GPC6: variants seen among roughly 807,000 people sequenced by gnomAD.
GPC6 encodes the protein glypican-6.
GPC6 carries 14 observed loss-of-function variants against 55.2 expected under a neutral mutation model. The ratio of observed to expected loss-of-function variants is 0.25; its 90% CI spans 0.17 to 0.40. The LOEUF (loss-of-function observed/expected upper bound fraction) is 0.40, where lower values mean the gene tolerates loss of function less well. Among genes scored for constraint, GPC6 ranks in the 10% least tolerant of loss-of-function variants. The pLI is 1.00. For synonymous variants in GPC6, 278 were observed against 259.6 expected (o/e 1.07, Z -0.68); for missense variants, 641 against 708.5 (o/e 0.90, Z 1.08).
chr13:94,045,441 T>G lies in GPC6; in HGVS notation c.877+17547T>G, dbSNP rs1189813954. On this transcript the variant is annotated intron_variant, in intron 4 of 8. Transcript: ENST00000377047. ...TCAAATAGTTGCTAAGATGATCAAG[T>G]GTTTGCAGACATTCTTCCTCTTGTC... is the stretch of plus-strand genomic sequence containing the variant. Among the ~76,000 whole-genome samples, 3 of 151,938 alleles carry G rather than the reference T, an allele frequency of 2.0e-5. No homozygotes were observed. The East Asian group carries it at 5.8e-4, about 29-fold the overall frequency.
At chr13:93,819,768 A>C (rs144957678) in intron 2 of GPC6, among the ~76,000 whole-genome samples, 1 of 152,352 alleles carries the variant, frequency 6.6e-6, no homozygotes, top group African/African-American at 2.4e-5. Flanking sequence ...TCTGGGAATT[A>C]ATAGTTTATC....
At chr13:93,432,359 A>G (rs1877393546) in intron 1 of GPC6, among the ~76,000 whole-genome samples, 1 of 152,164 alleles carries the variant, frequency 6.6e-6, no homozygotes, top group Admixed American at 6.6e-5. Flanking sequence ...TATTGGCAGC[A>G]TGGCAAACCG....
intron 3 of GPC6, among the ~76,000 whole-genome samples, chr13:93,918,290 G>C (rs913474667): frequency 6.6e-6 from 1 of 152,070 alleles, no homozygotes; most frequent in African/African-American, 2.4e-5. Flanking sequence ...AAGGACTTAA[G>C]ATTACCCTTG....
At chr13:93,535,466 C>T (rs910590382) in intron 1 of GPC6, among the ~76,000 whole-genome samples, 7 of 152,126 alleles carry the variant, frequency 4.6e-5, no homozygotes, top group African/African-American at 1.7e-4. Context: ...TCTGCCATAA[C>T]TGCTCTGCTG....
chr13:93,537,948 C>G (rs1594245878), intron 1 of GPC6, among the ~76,000 whole-genome samples: 1 of 152,018 alleles, frequency 6.6e-6, no homozygotes, highest in East Asian at 1.9e-4. Flanking sequence ...TTTTAAAAAT[C>G]TCAAAAAATA....
chr13:93,609,796 C>T (rs555457015), intron 2 of GPC6, among the ~76,000 whole-genome samples: 1 of 152,190 alleles, frequency 6.6e-6, no homozygotes, highest in Non-Finnish European at 1.5e-5. Context: ...CTATTCACCC[C>T]TCTCCATAGA....
At chr13:94,001,835 G>A (rs763552256) in intron 3 of GPC6, among the ~76,000 whole-genome samples, 1 of 152,130 alleles carries the variant, frequency 6.6e-6, no homozygotes, top group Non-Finnish European at 1.5e-5. Context: ...TATTGCAATG[G>A]GAGAGCGACA....
intron 2 of GPC6, among the ~76,000 whole-genome samples, chr13:93,640,159 A>G (rs866908492): frequency 2.6e-5 from 4 of 152,098 alleles, no homozygotes; most frequent in Admixed American, 6.6e-5. Context: ...ATTTTTAGAC[A>G]TTATCCTGAG....
rs56720453 is a variant in GPC6, at chr13:93,920,692, G to A, written c.711+90147G>A. Among the ~76,000 whole-genome samples the A allele has an allele frequency of 6.7e-3, 1,026 of 152,066 alleles. 14 individuals are homozygous for A. The highest frequency in any genetic ancestry group is 0.024 in the African/African-American group (980 of 41,504). On this transcript the variant is annotated intron_variant, in intron 3 of 8. Transcript: ENST00000377047. ...CAGTCTCACTTACTAATCCTCCTTCGTCTTCCCCAGTGCCAGCCCCCTAGT... is the reference window on the plus strand; with the variant it reads ...CAGTCTCACTTACTAATCCTCCTTCATCTTCCCCAGTGCCAGCCCCCTAGT...
intron 3 of GPC6, among the ~76,000 whole-genome samples, chr13:93,990,742 G>A (rs999321328): frequency 1.3e-5 from 2 of 150,814 alleles, no homozygotes; most frequent in African/African-American, 4.9e-5. Context: ...GTGCATGCCT[G>A]TTCCTAGCTA....
At chr13:94,320,962 T>C (rs1025090008) in intron 6 of GPC6, among the ~76,000 whole-genome samples, 3 of 152,222 alleles carry the variant, frequency 2.0e-5, no homozygotes, top group Non-Finnish European at 1.5e-5. Flanking sequence ...AGGTTTGTTA[T>C]ATAGGTAAAT....
rs890274214 is a variant in GPC6 at position 93,273,604 on chromosome 13, A to G, written c.160+45988A>G. On this transcript the variant is annotated intron_variant, in intron 1 of 8. Transcript: ENST00000377047. Reference sequence around the variant, plus strand: ...ACCCGGGAGGCGGAGCTTGCAGTGAACCGAGATTGCGCCACTGCACTCCAG... The same window carrying G: ...ACCCGGGAGGCGGAGCTTGCAGTGAGCCGAGATTGCGCCACTGCACTCCAG... 8.6e-4 allele frequency among the ~76,000 whole-genome samples: 131 copies of G among 151,910 alleles called. 4 individuals are homozygous for G. The highest frequency in any genetic ancestry group is 3.4e-3 in the Middle Eastern group (1 of 294).
intron 6 of GPC6, among the ~76,000 whole-genome samples, chr13:94,377,393 A>G (rs1354299958): frequency 1.5e-5 from 2 of 129,906 alleles, no homozygotes; most frequent in Non-Finnish European, 3.3e-5. Flanking sequence ...AAGGACATGA[A>G]CAGACACTTC....
chr13:93,832,914 C>G (rs1047650755), intron 3 of GPC6, among the ~76,000 whole-genome samples: 2 of 152,092 alleles, frequency 1.3e-5, no homozygotes. Flanking sequence ...GGAATATAGT[C>G]CGTAGGTCAT....
intron 4 of GPC6, among the ~76,000 whole-genome samples, chr13:94,162,431 T>A (rs1253038768): frequency 6.6e-6 from 1 of 152,202 alleles, no homozygotes; most frequent in African/African-American, 2.4e-5. Context: ...TCAGCAAATG[T>A]TTCTTCTCAT....
intron 8 of GPC6, among the ~76,000 whole-genome samples, chr13:94,399,574 A>G (rs1371861924): frequency 6.6e-6 from 1 of 152,218 alleles, no homozygotes; most frequent in Non-Finnish European, 1.5e-5. Flanking sequence ...GAATCATAAG[A>G]TGATGCTTGT....
intron 1 of GPC6, among the ~76,000 whole-genome samples, chr13:93,538,681 A>G (rs2053989013): frequency 1.3e-5 from 2 of 152,198 alleles, no homozygotes. Flanking sequence ...AGCCACAGAA[A>G]AACATCAAGC....
chr13:93,887,025 A>G (rs771677605), intron 3 of GPC6, among the ~76,000 whole-genome samples: 15 of 152,130 alleles, frequency 9.9e-5, no homozygotes, highest in Middle Eastern at 3.4e-3. Context: ...GTATGTTTCC[A>G]AAGTGGAAGA....
At chr13:93,223,588 C>T (rs1875676420), upstream of GPC6, among the ~76,000 whole-genome samples, 1 of 151,614 alleles carries the variant, frequency 6.6e-6, no homozygotes, top group Admixed American at 6.6e-5. Context: ...GGACTGCAGG[C>T]ACATACCATC....
Sources: allele counts gnomAD v4.1 joint callset (sites outside exome capture counted in the v4.1 genomes callset), GRCh38; gene constraint gnomAD v4.1.1; transcripts MANE v1.5; gene names NCBI Gene and HGNC (gene_info 2026-07-23, HGNC 2026-07-21).